The following KIF13B variants were observed in gnomAD, a reference collection of about 807,000 sequenced individuals.
The protein encoded by KIF13B is kinesin family member 13B.
Under a neutral mutation model 222.0 loss-of-function variants are expected in KIF13B, and 127 were observed. That is an observed-to-expected ratio of 0.57 (90% CI 0.50 to 0.66). KIF13B has a LOEUF of 0.66. Among genes scored for constraint, KIF13B ranks in the 30% least tolerant of loss-of-function variants. The pLI is 0.00. For missense variants in KIF13B, 2,173 were observed against 2,379.0 expected, an observed-to-expected ratio of 0.91 and a Z score of 1.80; for synonymous variants, 976 against 919.0, an observed-to-expected ratio of 1.06 and a Z score of -1.12.
intron 12 of KIF13B, among the ~76,000 whole-genome samples, chr8:29,164,866 T>A (rs558006693): frequency 6.6e-6 from 1 of 151,798 alleles, no homozygotes; most frequent in Non-Finnish European, 1.5e-5. Context: ...TTTTTTTTTT[T>A]AGATGGAGTC....
intron 2 of KIF13B, among the ~76,000 whole-genome samples, chr8:29,196,445 C>G (rs1450999150): frequency 5.3e-5 from 8 of 152,112 alleles, no homozygotes. Context: ...GAGGACTGAG[C>G]ACAGATAATA....
intron 22 of KIF13B, among the ~76,000 whole-genome samples, chr8:29,133,571 A>G (rs1384300783): frequency 6.6e-6 from 1 of 152,212 alleles, no homozygotes; most frequent in Non-Finnish European, 1.5e-5. Context: ...AGCCTGGGTG[A>G]CTGAGCGAGA....
At chr8:29,241,706 G>GAAAAAAAAAA (rs75531371) in intron 2 of KIF13B, among the ~76,000 whole-genome samples, 1 of 96,710 alleles carries the variant, frequency 1.0e-5, no homozygotes. Flanking sequence ...GCAAGGGAGG[G>GAAAAAAAAAA]AAAAAAAAAA....
At chr8:29,092,362 A>G (rs1469311358) in intron 37 of KIF13B, among the ~76,000 whole-genome samples, 2 of 152,236 alleles carry the variant, frequency 1.3e-5, no homozygotes, top group Non-Finnish European at 2.9e-5. Flanking sequence ...AGGGAAGGGC[A>G]CTCATGATAT....
intron 31 of KIF13B, among the ~76,000 whole-genome samples, chr8:29,116,552 C>T (rs1045735882): frequency 6.6e-6 from 1 of 152,180 alleles, no homozygotes; most frequent in Non-Finnish European, 1.5e-5. Flanking sequence ...AACCAAACCA[C>T]AGACCTTGCC....
intron 31 of KIF13B, among the ~76,000 whole-genome samples, chr8:29,114,014 C>A (rs546787042): frequency 6.6e-6 from 1 of 152,136 alleles, no homozygotes; most frequent in African/African-American, 2.4e-5. Context: ...AAAGCAAGAT[C>A]GTTATGAGGA....
In KIF13B at chr8:29,071,720, G is replaced by A. The variant is rs367988811; in HGVS notation, c.5118C>T (p.Phe1706=). ...CCGTTTTGTGGGCGCCCACGGTGAC[G>A]AACTCGCCCTCTCGGAGCCACTCCG... ...EVPEWLREGE[F]VTVGAHKTGV... Residue 1706 remains phenylalanine (F), a synonymous_variant, in exon 39 of 40, where the codon TTC becomes TTT. Coordinates refer to ENST00000524189, the MANE Select transcript of KIF13B (RefSeq NM_015254.4). The surrounding 1 kb of genome is among the most constrained non-coding windows in gnomAD (Gnocchi z 4.9). The A allele has an allele frequency of 1.5e-3, 2,385 of 1,550,142 alleles. 3 individuals are homozygous for A. The highest frequency in any genetic ancestry group is 1.7e-3 in the Non-Finnish European group (1,945 of 1,146,802).
At chr8:29,240,578 TC>T (rs1214273874) in intron 2 of KIF13B, among the ~76,000 whole-genome samples, 1 of 152,230 alleles carries the variant, frequency 6.6e-6, no homozygotes, top group Non-Finnish European at 1.5e-5. Flanking sequence ...TTAATTTTGC[TC>T]AAATTTTTCA....
chr8:29,105,201 G>T (rs1008382708), intron 35 of KIF13B, among the ~76,000 whole-genome samples: 1 of 151,762 alleles, frequency 6.6e-6, no homozygotes, highest in African/African-American at 2.4e-5. Flanking sequence ...AAACTGCTGG[G>T]CTCAAGCCAT....
intron 29 of KIF13B, 150 bp from the exon 30 acceptor site, chr8:29,119,142 T>C (rs542934079): frequency 2.6e-6 from 2 of 781,518 alleles, no homozygotes; most frequent in Admixed American, 2.8e-5. Context: ...AGATGACCAC[T>C]TAAAAGTTCA....
At chr8:29,169,713 T>C (rs1812154962) in intron 10 of KIF13B, among the ~76,000 whole-genome samples, 1 of 152,224 alleles carries the variant, frequency 6.6e-6, no homozygotes, top group African/African-American at 2.4e-5. Flanking sequence ...GACATTAATC[T>C]CACATAGCTG....
chr8:29,141,328 C>G (rs1237246509), intron 19 of KIF13B, among the ~76,000 whole-genome samples: 2 of 147,872 alleles, frequency 1.4e-5, no homozygotes, highest in East Asian at 4.0e-4. Context: ...AGCAAGACTC[C>G]ATCTAAAAAA....
chr8:29,262,831 G>A (rs1323381540), intron 1 of KIF13B, 149 bp downstream of exon 1: 6 of 547,638 alleles, frequency 1.1e-5, no homozygotes, highest in African/African-American at 8.1e-5. Context: ...CTCAGCGCGG[G>A]AGCGGGTTTC....
chr8:29,261,245 C>G (rs1050868182), intron 1 of KIF13B, among the ~76,000 whole-genome samples: 26 of 152,314 alleles, frequency 1.7e-4, no homozygotes, highest in African/African-American at 6.0e-4. Context: ...AGCTCACATC[C>G]GTTCCACAGC....
At chr8:29,080,236 C>G (rs1807741382) in intron 37 of KIF13B, among the ~76,000 whole-genome samples, 1 of 142,582 alleles carries the variant, frequency 7.0e-6, no homozygotes, top group Non-Finnish European at 1.5e-5. Context: ...TACTTGGGAG[C>G]TGAGAATTGC....
In KIF13B at chr8:29,134,139, C is replaced by A; in HGVS notation, c.2685G>T (p.Trp895Cys). 4 of 1,613,932 alleles carry A rather than the reference C, an allele frequency of 2.5e-6. No individual in the cohort carries two copies. Among genetic ancestry groups the A allele is most frequent in the Non-Finnish European group, 3.4e-6 (4 of 1,179,846 alleles). The change falls in exon 22 of 40, where the codon TGG (tryptophan) becomes TGT (cysteine). Residue 895 changes from tryptophan to cysteine, a missense_variant. Coordinates refer to ENST00000524189, the MANE Select transcript of KIF13B (RefSeq NM_015254.4). ...SHFVFCKYSF[W>C]DQQEPVIVAP... ...CGACAATCACCGGCTCCTGTTGATC[C>A]CAGAAGCTGTATTTGCAGAACACAA...
chr8:29,255,468 C>G (rs1371524156), intron 1 of KIF13B, among the ~76,000 whole-genome samples: 2 of 152,214 alleles, frequency 1.3e-5, no homozygotes, highest in Admixed American at 1.3e-4. Flanking sequence ...GCTTGAAATT[C>G]CTGGGCTTTC....
In KIF13B at chr8:29,250,013, A is replaced by C. The variant is rs1342679690; in HGVS notation, c.56-4574T>G. The C allele has an allele frequency of 2.3e-6, 3 of 1,288,536 alleles. No homozygotes were observed. The East Asian group carries it at 1.7e-4, about 71-fold the overall frequency. 79.8% of individuals were successfully genotyped at this position (1,288,536 alleles called of 1,614,324 possible). On this transcript the variant is annotated intron_variant, in intron 1 of 39. Transcript: ENST00000524189. ...TTCACTTCCTCAGGCCCAGAGGTCC[A>C]TGAGAGTTTCTTAAAACCACTGCTT...
Position 29,103,143 on chromosome 8 carries a change from G to A in KIF13B, c.4216-3902C>T, listed in dbSNP as rs372889606. Reference sequence around the variant, plus strand: ...TGTAGTCCCAGCTACTCGGGAGGCTGAGGCAGGAGAACGGCTTGAACCCAG... The same window carrying A: ...TGTAGTCCCAGCTACTCGGGAGGCTAAGGCAGGAGAACGGCTTGAACCCAG... On this transcript the variant is annotated intron_variant, in intron 35 of 39. Coordinates refer to ENST00000524189, the MANE Select transcript of KIF13B (RefSeq NM_015254.4). 1.8e-3 allele frequency among the ~76,000 whole-genome samples: 280 copies of A among 151,610 alleles called. 2 individuals carry two copies. Among genetic ancestry groups the A allele is most frequent in the African/African-American group, 6.7e-3 (276 of 41,364 alleles).
Sources: gnomAD v4.1 joint callset for allele counts (sites outside exome capture counted in the v4.1 genomes callset) on GRCh38, gnomAD v4.1.1 for gene constraint, Gnocchi (gnomAD v3.1) non-coding constraint, MANE v1.5 for transcripts, NCBI Gene and HGNC (gene_info 2026-07-23, HGNC 2026-07-21) for gene names.